Variants in CELF5 observed in about 807,000 individuals in gnomAD.
CELF5 encodes CUGBP Elav-like family member 5.
A neutral mutation model predicts 54.9 loss-of-function variants in CELF5; 6 were observed. The observed-to-expected ratio is 0.11, with a 90% CI of 0.06 to 0.22. The LOEUF (loss-of-function observed/expected upper bound fraction) is 0.22, where lower values mean the gene tolerates loss of function less well. Among genes scored for constraint, CELF5 ranks in the 10% least tolerant of loss-of-function variants. The pLI is 1.00. For synonymous variants in CELF5, 271 were observed against 290.9 expected (o/e 0.93, Z 0.70); for missense variants, 401 against 678.6 (o/e 0.59, Z 4.54).
intron 1 of CELF5, 109 bp from the exon 2 acceptor site, chr19:3,250,871 GCATCT>G: frequency 7.6e-6 from 5 of 658,562 alleles, no homozygotes; most frequent in South Asian, 3.8e-5. Context: ...GTAGATCTAT[GCATCT>G]GTGGATGGAA....
chr19:3,231,447 CGGATGGATGGATGGATGGAT>C lies in CELF5; in HGVS notation c.259+6476_259+6495del, dbSNP rs111427441. ...TTGAATGGATTGATGGATGGGTGAA[CGGATGGATGGATGGATGGAT>C]GGATGGATGGATGGATGGATGGATG... is the stretch of plus-strand genomic sequence containing the variant. On this transcript the variant is annotated intron_variant, in intron 1 of 12. Transcript: ENST00000292672. Among the ~76,000 whole-genome samples, 4 of 144,530 alleles carry C rather than the reference CGGATGGATGGATGGATGGAT, an allele frequency of 2.8e-5. No homozygotes were observed. The East Asian group carries it at 6.2e-4, about 23-fold the overall frequency. 94.8% of individuals were successfully genotyped at this position (144,530 alleles called of 152,430 possible). A position where few individuals can be genotyped will look rare whatever the true frequency, so the allele number is the denominator to read the frequency against.
intron 5 of CELF5, among the ~76,000 whole-genome samples, chr19:3,279,298 A>C (rs2080109541): frequency 6.6e-6 from 1 of 152,100 alleles, no homozygotes; most frequent in Admixed American, 6.5e-5. Flanking sequence ...GGGAGGACCA[A>C]GGAGGCACTG....
Position 3,268,090 on chromosome 19 carries a change from C to T in CELF5, c.343-5782C>T, listed in dbSNP as rs899748901. 5.3e-5 allele frequency among the ~76,000 whole-genome samples: 8 copies of T among 152,146 alleles called. No homozygotes were observed. Among genetic ancestry groups the T allele is most frequent in the African/African-American group, 1.9e-4 (8 of 41,438 alleles). ...CTCAGCTCACTGCAACCTCGGCCTC[C>T]TGGGTTCAAGCAATTCTTCTGCCTC... On this transcript the variant is annotated intron_variant, in intron 2 of 12. Coordinates refer to ENST00000292672, the MANE Select transcript of CELF5 (RefSeq NM_021938.4). This position sits in a 1 kb window ranked among gnomAD's most constrained non-coding sequence, Gnocchi z 4.4.
Position 3,224,686 on chromosome 19 carries a change from G to C in CELF5, c.-54G>C. The C allele has an allele frequency of 3.0e-6, 3 of 991,332 alleles. No individual in the cohort carries two copies. Among genetic ancestry groups the C allele is most frequent in the Non-Finnish European group, 3.6e-6 (3 of 834,826 alleles). 61.4% of individuals were successfully genotyped at this position (991,332 alleles called of 1,614,324 possible). On this transcript the variant is annotated 5_prime_UTR_variant, in exon 1 of 13. Transcript: ENST00000292672. ...GGGAGGCGCGGCCGCCGCTCCAGCT[G>C]CGAGTCCGCCCGCCGCCCGCCGCCG...
chr19:3,233,859 T>A (rs1402925431), intron 1 of CELF5, among the ~76,000 whole-genome samples: 1 of 152,204 alleles, frequency 6.6e-6, no homozygotes, highest in Non-Finnish European at 1.5e-5. Context: ...CCTCCATTTT[T>A]TAGATGGGGA....
Position 3,248,926 on chromosome 19 carries a change from CTTTT to C in CELF5, c.260-2058_260-2055del, listed in dbSNP as rs1212431216. Among the ~76,000 whole-genome samples, 44 of 95,448 alleles carry C rather than the reference CTTTT, an allele frequency of 4.6e-4. 1 individual carries two copies. Among genetic ancestry groups the C allele is most frequent in the African/African-American group, 1.5e-3 (40 of 26,620 alleles). 62.6% of individuals were successfully genotyped at this position (95,448 alleles called of 152,430 possible). ...CCTTCCTTTCTTTCTTTCTTTCTTT[CTTTT>C]CTTTTCTTTTCTTTTCTTTCTTTTC... On this transcript the variant is annotated intron_variant, in intron 1 of 12. Transcript: ENST00000292672.
At chr19:3,287,315 T>C (rs1196867965) in intron 10 of CELF5, among the ~76,000 whole-genome samples, 1 of 150,726 alleles carries the variant, frequency 6.6e-6, no homozygotes, top group East Asian at 1.9e-4. Flanking sequence ...ATCCTAGCAT[T>C]TTGGGAGGCT....
chr19:3,282,515 C>G lies in CELF5; in HGVS notation c.1039+17C>G. 1 of 1,606,538 alleles carries G rather than the reference C, an allele frequency of 6.2e-7. No homozygotes were observed. The highest frequency in any genetic ancestry group is 8.5e-7 in the Non-Finnish European group (1 of 1,176,558). ...CCTACCCAGGTAAATTGGGGTCGTCCTCTGGGGCCTAGGAGAGTGGTGGGG... is the reference window on the plus strand; with the variant it reads ...CCTACCCAGGTAAATTGGGGTCGTCGTCTGGGGCCTAGGAGAGTGGTGGGG... On this transcript the variant is annotated intron_variant, in intron 8 of 12. Transcript: ENST00000292672. The surrounding 1 kb of genome is among the most constrained non-coding windows in gnomAD (Gnocchi z 5.2).
intron 1 of CELF5, among the ~76,000 whole-genome samples, chr19:3,247,504 C>T (rs1465092273): frequency 6.6e-6 from 1 of 151,414 alleles, no homozygotes; most frequent in Non-Finnish European, 1.5e-5. Flanking sequence ...TCAAGTGATC[C>T]TCCCGCCTCA....
intron 2 of CELF5, among the ~76,000 whole-genome samples, chr19:3,266,029 A>T (rs888981820): frequency 1.3e-5 from 2 of 151,930 alleles, no homozygotes; most frequent in South Asian, 4.1e-4. Flanking sequence ...CTGGTCTCGA[A>T]CTCCTGACCT....
rs192384457 is a variant in CELF5 at position 3,282,664 on chromosome 19, G to A, written c.1039+166G>A. ...AGCTGTGGACACAGGAAGGGAGGCC[G>A]TGGCAGGGTAATAACACATTAAAAC... is the stretch of plus-strand genomic sequence containing the variant. On this transcript the variant is annotated intron_variant, in intron 8 of 12. Coordinates refer to ENST00000292672, the MANE Select transcript of CELF5 (RefSeq NM_021938.4). This position sits in a 1 kb window ranked among gnomAD's most constrained non-coding sequence, Gnocchi z 5.2. 1.4e-3 allele frequency among the ~76,000 whole-genome samples: 210 copies of A among 152,316 alleles called. 1 individual carries two copies. Among genetic ancestry groups the A allele is most frequent in the African/African-American group, 4.8e-3 (201 of 41,574 alleles).
chr19:3,224,793 G>C lies in CELF5; in HGVS notation c.54G>C (p.Gln18His), dbSNP rs749465203. ...EARRQQQQLL[Q>H]PRPSPVGSSG... ...GCCGGCAGCAGCAGCAGCTCCTGCA[G>C]CCGCGGCCCTCGCCCGTGGGCAGCA... Residue 18 changes from glutamine to histidine, a missense_variant, in exon 1 of 13, where the codon CAG becomes CAC. Around this residue, in one of 6 missense-constraint regions of CELF5, gnomAD observed 46 missense variants for 55.0 expected, o/e 0.84. Coordinates refer to ENST00000292672, the MANE Select transcript of CELF5 (RefSeq NM_021938.4). The C allele has an allele frequency of 1.3e-6, 2 of 1,502,916 alleles. No individual in the cohort carries two copies. The highest frequency in any genetic ancestry group is 5.7e-5 in the East Asian group (2 of 35,176). 93.1% of individuals were successfully genotyped at this position (1,502,916 alleles called of 1,614,324 possible).
chr19:3,241,302 C>CT (rs2079487776), intron 1 of CELF5, among the ~76,000 whole-genome samples: 4 of 151,288 alleles, frequency 2.6e-5, no homozygotes, highest in Non-Finnish European at 5.9e-5. Flanking sequence ...AGCATAGTCT[C>CT]TATCTCCTGA....
At chr19:3,251,652 C>CTTTTT (rs1195812856) in intron 2 of CELF5, among the ~76,000 whole-genome samples, 169 of 67,040 alleles carry the variant, frequency 2.5e-3, no homozygotes, top group East Asian at 6.3e-3. Context: ...ACAAGGGCTT[C>CTTTTT]TTTTTTTTTT....
intron 2 of CELF5, among the ~76,000 whole-genome samples, chr19:3,273,616 C>A (rs917371709): frequency 6.6e-6 from 1 of 152,210 alleles, no homozygotes; most frequent in Non-Finnish European, 1.5e-5. Context: ...TTGGGCCTAT[C>A]ACATTTGGGG....
intron 10 of CELF5, among the ~76,000 whole-genome samples, chr19:3,287,018 G>C (rs2080261668): frequency 7.6e-6 from 1 of 130,792 alleles, no homozygotes; most frequent in Admixed American, 8.9e-5. Flanking sequence ...CTGGGCGACA[G>C]AGCAAGACTC....
intron 1 of CELF5, among the ~76,000 whole-genome samples, chr19:3,231,882 A>T (rs1177215251): frequency 1.3e-5 from 2 of 151,340 alleles, no homozygotes; most frequent in Non-Finnish European, 2.9e-5. Flanking sequence ...GAATGAATAG[A>T]TGGATGGATG....
chr19:3,285,868 C>A, intron 9 of CELF5, 74 bp from the exon 10 acceptor site: 1 of 1,108,406 alleles, frequency 9.0e-7, no homozygotes, highest in East Asian at 3.0e-5. Flanking sequence ...CCGCCCCCTC[C>A]CCGCCCAGCG....
chr19:3,290,517 G>A (rs530404740), intron 11 of CELF5, 143 bp downstream of exon 11: 1 of 820,524 alleles, frequency 1.2e-6, no homozygotes, highest in African/African-American at 1.7e-5. Flanking sequence ...GGGCACAGTG[G>A]ATCACGCCTG....
Sources: gnomAD v4.1 joint callset for allele counts (sites outside exome capture counted in the v4.1 genomes callset) on GRCh38, gnomAD v4.1.1 for gene constraint, gnomAD v4.1.1 regional missense constraint, Gnocchi (gnomAD v3.1) non-coding constraint, MANE v1.5 for transcripts, NCBI Gene and HGNC (gene_info 2026-07-23, HGNC 2026-07-21) for gene names.